Variants in ZFHX3 observed in about 807,000 individuals in gnomAD.
ZFHX3 encodes zinc finger homeobox protein 3.
In ZFHX3, 42 loss-of-function variants were observed where a neutral mutation model predicts 279.1. The observed-to-expected ratio is 0.15, with a 90% CI of 0.12 to 0.19. The LOEUF (loss-of-function observed/expected upper bound fraction) is 0.19, where lower values mean the gene tolerates loss of function less well. Ranked by LOEUF, ZFHX3 falls within the 10% of genes least tolerant of loss-of-function variation. The pLI is 1.00. For missense variants in ZFHX3, 4,981 were observed against 4,754.0 expected, an observed-to-expected ratio of 1.05 and a Z score of -1.40; for synonymous variants, 2,293 against 1,957.8, an observed-to-expected ratio of 1.17 and a Z score of -4.52.
intron 2 of ZFHX3, among the ~76,000 whole-genome samples, chr16:73,464,841 AAGTT>A (rs2018536411): frequency 1.3e-5 from 2 of 152,168 alleles, no homozygotes; most frequent in Admixed American, 1.3e-4. Context: ...TCAAATGGGA[AAGTT>A]CATTTTCCTA....
intron 5 of ZFHX3, among the ~76,000 whole-genome samples, chr16:73,206,128 C>A (rs1426170357): frequency 6.6e-6 from 1 of 152,224 alleles, no homozygotes; most frequent in Non-Finnish European, 1.5e-5. Context: ...CTACCGTCAA[C>A]TCTTTCCTGT....
intron 2 of ZFHX3, among the ~76,000 whole-genome samples, chr16:73,473,334 C>G (rs1487627041): frequency 4.5e-5 from 1 of 22,314 alleles, no homozygotes; most frequent in East Asian, 1.1e-3. Context: ...GAGACTGTCT[C>G]AAAGCAAAAA....
chr16:73,855,238 T>C (rs1961696668), intron 1 of ZFHX3, among the ~76,000 whole-genome samples: 1 of 149,498 alleles, frequency 6.7e-6, no homozygotes, highest in Non-Finnish European at 1.5e-5. Flanking sequence ...TTTTTTTTTT[T>C]TGTCAAATGC....
intron 3 of ZFHX3, among the ~76,000 whole-genome samples, chr16:72,920,406 T>G (rs531227613): frequency 6.6e-6 from 1 of 152,090 alleles, no homozygotes; most frequent in Admixed American, 6.5e-5. Context: ...ACCAACCAGG[T>G]GCAGTGGCTC....
At chr16:73,552,066 A>G (rs905490998) in intron 2 of ZFHX3, among the ~76,000 whole-genome samples, 1 of 152,090 alleles carries the variant, frequency 6.6e-6, no homozygotes, top group African/African-American at 2.4e-5. Context: ...AGAAAGAGAG[A>G]GAAAGCACAC....
intron 3 of ZFHX3, among the ~76,000 whole-genome samples, chr16:73,376,468 T>C (rs2016725156): frequency 6.6e-6 from 1 of 152,206 alleles, no homozygotes; most frequent in South Asian, 2.1e-4. Context: ...TGCTGAACTT[T>C]AATTCATTTC....
chr16:73,001,929 T>C (rs915636830), intron 1 of ZFHX3, among the ~76,000 whole-genome samples: 9 of 152,232 alleles, frequency 5.9e-5, no homozygotes, highest in Admixed American at 5.2e-4. Flanking sequence ...TCTCACCATG[T>C]GGCATTACCT....
rs2037192629 is a variant in ZFHX3 at position 72,836,355 on chromosome 16, G to GAC, written c.3449-6498_3449-6497dup. Reference sequence around the variant, plus strand: ...TAGCAACCTACTCTGCAACATCCCAGACACATCTCAAATATTTACTCCCTG... The same window carrying GAC: ...TAGCAACCTACTCTGCAACATCCCAGACACACATCTCAAATATTTACTCCCTG... On this transcript the variant is annotated intron_variant, in intron 4 of 9. Coordinates refer to ENST00000268489, the MANE Select transcript of ZFHX3 (RefSeq NM_006885.4). 3.9e-5 allele frequency among the ~76,000 whole-genome samples: 6 copies of GAC among 152,134 alleles called. 1 individual carries two copies. The highest frequency in any genetic ancestry group is 3.9e-4 in the Admixed American group (6 of 15,270).
chr16:73,268,297 G>A (rs1025232188), intron 4 of ZFHX3, among the ~76,000 whole-genome samples: 1 of 152,174 alleles, frequency 6.6e-6, no homozygotes, highest in Non-Finnish European at 1.5e-5. Context: ...TGGGGGAGAT[G>A]CTTTAGAATG....
intron 7 of ZFHX3, among the ~76,000 whole-genome samples, chr16:73,112,702 T>A (rs1167347513): frequency 9.1e-6 from 1 of 109,650 alleles, no homozygotes; most frequent in South Asian, 3.1e-4. Context: ...GGCGACGGCG[T>A]GAGACTCCAT....
At chr16:73,275,971 C>T (rs539911398) in intron 4 of ZFHX3, among the ~76,000 whole-genome samples, 18 of 151,488 alleles carry the variant, frequency 1.2e-4, no homozygotes, top group Non-Finnish European at 2.4e-4. Flanking sequence ...AAGTTAGGGG[C>T]GGTCAAGAGT....
In ZFHX3 at chr16:72,787,675, C is replaced by A; in HGVS notation, c.10601G>T (p.Cys3534Phe). 1 of 1,555,818 alleles carries A rather than the reference C, an allele frequency of 6.4e-7. No individual in the cohort carries two copies. The highest frequency in any genetic ancestry group is 8.7e-7 in the Non-Finnish European group (1 of 1,150,596). The change falls in exon 10 of 10, where the codon TGC becomes TTC. Residue 3534 changes from cysteine (C) to phenylalanine (F), a missense_variant. By Grantham distance (205) the Cys-to-Phe change is radical. Around this residue, in one of 7 missense-constraint regions of ZFHX3, gnomAD observed 1,034 missense variants for 786.0 expected, o/e 1.32. Transcript: ENST00000268489. ...TTCCTCCCCACAGAGCGCGCTCTCG[C>A]ACGCCAGGCAGTGGTACGAGCCGCC... ...GGGGSYHCLA[C>F]ESALCGEEAL...
At chr16:73,536,027 C>T (rs1453801132) in intron 2 of ZFHX3, among the ~76,000 whole-genome samples, 2 of 152,004 alleles carry the variant, frequency 1.3e-5, no homozygotes, top group African/African-American at 2.4e-5. Flanking sequence ...CGGCCAAGCC[C>T]CCCATCTTTA....
At chr16:72,976,254 A>C (rs982284092) in intron 1 of ZFHX3, among the ~76,000 whole-genome samples, 2 of 152,232 alleles carry the variant, frequency 1.3e-5, no homozygotes, top group Non-Finnish European at 2.9e-5. Context: ...GGACAGCGCC[A>C]GAACAAATTT....
intron 3 of ZFHX3, among the ~76,000 whole-genome samples, chr16:73,331,484 C>T (rs953806732): frequency 6.6e-6 from 1 of 152,170 alleles, no homozygotes; most frequent in African/African-American, 2.4e-5. Context: ...GGTCTTATGC[C>T]TAGAGTCCTT....
intron 4 of ZFHX3, among the ~76,000 whole-genome samples, chr16:72,852,023 T>C (rs554499665): frequency 5.3e-5 from 8 of 152,204 alleles, no homozygotes; most frequent in Middle Eastern, 3.2e-3. Context: ...TCTTCTGGGA[T>C]TGCAAGGCAG....
intron 8 of ZFHX3, among the ~76,000 whole-genome samples, chr16:73,089,135 G>A (rs980124478): frequency 6.6e-6 from 1 of 151,778 alleles, no homozygotes; most frequent in Non-Finnish European, 1.5e-5. Flanking sequence ...ACAGAGTCTT[G>A]CTCTGTCGCC....
At chr16:73,578,806 C>G (rs1412006123) in intron 2 of ZFHX3, among the ~76,000 whole-genome samples, 1 of 152,130 alleles carries the variant, frequency 6.6e-6, no homozygotes, top group Non-Finnish European at 1.5e-5. Flanking sequence ...CAATCAGATT[C>G]AATAACTCTC....
intron 5 of ZFHX3, among the ~76,000 whole-genome samples, chr16:73,243,577 T>C (rs549040711): frequency 6.6e-6 from 1 of 152,238 alleles, no homozygotes; most frequent in Non-Finnish European, 1.5e-5. Flanking sequence ...GCATTTTATA[T>C]TGAACATCCC....
Sources: gnomAD v4.1 joint callset for allele counts (sites outside exome capture counted in the v4.1 genomes callset) on GRCh38, gnomAD v4.1.1 for gene constraint, gnomAD v4.1.1 regional missense constraint, MANE v1.5 for transcripts, NCBI Gene and HGNC (gene_info 2026-07-23, HGNC 2026-07-21) for gene names.